Variants in ZFAND3 observed in about 807,000 individuals in gnomAD.
ZFAND3 encodes zinc finger AN1-type containing 3.
Under a neutral mutation model 29.6 loss-of-function variants are expected in ZFAND3, and 10 were observed. That is an observed-to-expected ratio of 0.34 (90% CI 0.21 to 0.57). The LOEUF (loss-of-function observed/expected upper bound fraction) is 0.57, where lower values mean the gene tolerates loss of function less well. Ranked by LOEUF, ZFAND3 falls within the 20% of genes least tolerant of loss-of-function variation. ZFAND3 has a pLI of 0.86. For missense variants in ZFAND3, 230 were observed against 304.5 expected (o/e 0.76, Z 1.82); for synonymous variants, 128 against 112.6 (o/e 1.14, Z -0.87).
chr6:37,956,934 A>G (rs1472007401), intron 2 of ZFAND3, among the ~76,000 whole-genome samples: 1 of 152,176 alleles, frequency 6.6e-6, no homozygotes, highest in Non-Finnish European at 1.5e-5. Context: ...GAGTGGACTG[A>G]TAATTGTCCA....
chr6:37,826,368 G>C (rs1476894650), intron 1 of ZFAND3, among the ~76,000 whole-genome samples: 1 of 152,184 alleles, frequency 6.6e-6, no homozygotes, highest in Admixed American at 6.5e-5. Flanking sequence ...CTGGGTCCCT[G>C]TGTAACAAGA....
intron 1 of ZFAND3, among the ~76,000 whole-genome samples, chr6:37,919,143 G>C (rs1427450310): frequency 6.6e-6 from 1 of 151,682 alleles, no homozygotes; most frequent in African/African-American, 2.4e-5. Context: ...TAGTAGAGAC[G>C]GGGTTTCACC....
rs1042830882 is a variant in ZFAND3, at chr6:37,939,418, T to C, written c.112+9419T>C. Among the ~76,000 whole-genome samples the C allele has an allele frequency of 6.6e-5, 10 of 152,202 alleles. No homozygotes were observed. In the East Asian group the frequency reaches 9.6e-4, roughly 15 times the overall value. On this transcript the variant is annotated intron_variant, in intron 2 of 5. Transcript: ENST00000287218. ...CTGTCTCCTCTAAGGACAGTTGTCA[T>C]TGGCTCAGTCTTATCCCGGATTATC...
intron 2 of ZFAND3, among the ~76,000 whole-genome samples, chr6:38,007,925 T>C (rs2842527): frequency 0.32 from 48,757 of 152,042 alleles, 8,247 homozygotes; most frequent in Non-Finnish European, 0.38. Flanking sequence ...GAAGAATGAT[T>C]TAGGGCCTTG....
intron 1 of ZFAND3, among the ~76,000 whole-genome samples, chr6:37,851,279 G>A (rs181022581): frequency 4.6e-5 from 7 of 151,668 alleles, no homozygotes; most frequent in South Asian, 2.1e-4. Context: ...GAGTCACCAC[G>A]CCCAGCCATT....
At chr6:38,025,086 T>C (rs1763423050) in intron 2 of ZFAND3, among the ~76,000 whole-genome samples, 1 of 152,244 alleles carries the variant, frequency 6.6e-6, no homozygotes. Context: ...CTTCTCAGAT[T>C]TCACATGTCT....
intron 2 of ZFAND3, among the ~76,000 whole-genome samples, chr6:37,952,411 T>G (rs1178162326): frequency 6.6e-6 from 1 of 152,198 alleles, no homozygotes; most frequent in Admixed American, 6.5e-5. Flanking sequence ...GATTTCAATT[T>G]CTTCCTGGTT....
chr6:37,975,991 A>T (rs950641574), intron 2 of ZFAND3, among the ~76,000 whole-genome samples: 4 of 152,154 alleles, frequency 2.6e-5, no homozygotes, highest in Admixed American at 6.6e-5. Context: ...AACAATGTTG[A>T]GTCTTTCAAT....
intron 2 of ZFAND3, among the ~76,000 whole-genome samples, chr6:37,980,912 A>G (rs1373098237): frequency 6.6e-6 from 1 of 152,226 alleles, no homozygotes; most frequent in Non-Finnish European, 1.5e-5. Flanking sequence ...TAGGGTAAGC[A>G]GTACCTAGCT....
intron 1 of ZFAND3, among the ~76,000 whole-genome samples, chr6:37,910,987 A>G (rs1765510638): frequency 6.6e-6 from 1 of 152,208 alleles, no homozygotes; most frequent in Admixed American, 6.5e-5. Context: ...TATTGTGAAT[A>G]ATGCTGCAGT....
chr6:38,015,072 G>A (rs1396011647), intron 2 of ZFAND3, among the ~76,000 whole-genome samples: 5 of 152,146 alleles, frequency 3.3e-5, no homozygotes, highest in African/African-American at 1.2e-4. Context: ...ACAAGGAGGA[G>A]GAGTATATAT....
At chr6:38,144,183 TA>T (rs66503939) in intron 5 of ZFAND3, among the ~76,000 whole-genome samples, 6,786 of 21,676 alleles carry the variant, frequency 0.31, 581 homozygotes, top group African/African-American at 0.44. Flanking sequence ...TATATATATA[TA>T]ATATATATAT....
At chr6:37,854,764 G>GC (rs5875599) in intron 1 of ZFAND3, among the ~76,000 whole-genome samples, 6,224 of 121,728 alleles carry the variant, frequency 0.051, 264 homozygotes, top group African/African-American at 0.066. Flanking sequence ...AGGCTAAAAT[G>GC]CCCCCCCCCC....
chr6:38,006,001 C>T (rs1010163881), intron 2 of ZFAND3, among the ~76,000 whole-genome samples: 1 of 152,148 alleles, frequency 6.6e-6, no homozygotes, highest in African/African-American at 2.4e-5. Flanking sequence ...GCTAAGTAAA[C>T]ACAGATGAAG....
At chr6:37,838,064 T>G (rs1205035488) in intron 1 of ZFAND3, among the ~76,000 whole-genome samples, 3 of 152,186 alleles carry the variant, frequency 2.0e-5, no homozygotes, top group African/African-American at 7.2e-5. Flanking sequence ...TGGGTGGTGC[T>G]ACATTTGTAG....
At chr6:37,970,382 A>T (rs1002869340) in intron 2 of ZFAND3, among the ~76,000 whole-genome samples, 1 of 152,170 alleles carries the variant, frequency 6.6e-6, no homozygotes, top group Non-Finnish European at 1.5e-5. Flanking sequence ...AAGTCACAAA[A>T]GATTTTGCAT....
chr6:38,028,180 C>A (rs2127450248), intron 2 of ZFAND3, among the ~76,000 whole-genome samples: 1 of 152,262 alleles, frequency 6.6e-6, no homozygotes, highest in African/African-American at 2.4e-5. Context: ...TTTCTCTGTT[C>A]TGTAGTTTGT....
chr6:38,136,654 T>C (rs1765846954), intron 5 of ZFAND3, among the ~76,000 whole-genome samples: 1 of 152,208 alleles, frequency 6.6e-6, no homozygotes, highest in Admixed American at 6.5e-5. Flanking sequence ...AGATGGGTCC[T>C]GTGGGTCCAG....
chr6:38,075,778 G>A (rs1581896007), intron 3 of ZFAND3, among the ~76,000 whole-genome samples: 1 of 145,330 alleles, frequency 6.9e-6, no homozygotes. Context: ...TTGAGACAGA[G>A]CCTCGCTCTG....
Sources: gnomAD v4.1 joint callset for allele counts (sites outside exome capture counted in the v4.1 genomes callset) on GRCh38, gnomAD v4.1.1 for gene constraint, MANE v1.5 for transcripts, NCBI Gene and HGNC (gene_info 2026-07-23, HGNC 2026-07-21) for gene names.